TMEM132D: variants seen among roughly 807,000 people sequenced by gnomAD.
TMEM132D encodes transmembrane protein 132D.
TMEM132D carries 21 observed loss-of-function variants against 62.3 expected under a neutral mutation model. The observed-to-expected ratio is 0.34, with a 90% CI of 0.24 to 0.49. The LOEUF is 0.49. Among genes scored for constraint, TMEM132D ranks in the 20% least tolerant of loss-of-function variants. The probability of loss-of-function intolerance (pLI) is 0.99; values close to 1 mark genes in which losing one functional copy is unlikely to be tolerated. For synonymous variants in TMEM132D, 621 were observed against 575.6 expected (o/e 1.08, Z -1.13); for missense variants, 1,346 against 1,402.8 (o/e 0.96, Z 0.65).
rs974777717 is a variant in TMEM132D, at chr12:129,556,837, G to A, written c.969-25632C>T. 2.6e-5 allele frequency among the ~76,000 whole-genome samples: 4 copies of A among 152,314 alleles called. No individual in the cohort carries two copies. The East Asian group carries it at 7.7e-4, about 29-fold the overall frequency. On this transcript the variant is annotated intron_variant, in intron 2 of 8. Transcript: ENST00000422113. ...TCCCATATTAGACGGTGAAGTTAGA[G>A]AACACTGCCATCACCACAGAAAATT...
chr12:129,666,835 G>A (rs1370148437), intron 2 of TMEM132D, among the ~76,000 whole-genome samples: 3 of 152,190 alleles, frequency 2.0e-5, no homozygotes, highest in Admixed American at 1.3e-4. Context: ...GGTGTGTAGG[G>A]AATGTGTTTT....
chr12:129,707,902 A>G (rs555921588), intron 1 of TMEM132D, among the ~76,000 whole-genome samples: 117 of 152,276 alleles, frequency 7.7e-4, no homozygotes, highest in Non-Finnish European at 1.1e-3. Context: ...CTGTCATATA[A>G]TTTCATAAAA....
At chr12:129,435,946 T>A (rs1872775495) in intron 3 of TMEM132D, among the ~76,000 whole-genome samples, 1 of 152,208 alleles carries the variant, frequency 6.6e-6, no homozygotes, top group Non-Finnish European at 1.5e-5. Flanking sequence ...ACAATTGTGA[T>A]ATCATTTTGG....
At chr12:129,141,973 A>C (rs976995840) in intron 5 of TMEM132D, among the ~76,000 whole-genome samples, 1 of 148,612 alleles carries the variant, frequency 6.7e-6, no homozygotes, top group Middle Eastern at 3.3e-3. Flanking sequence ...ATATATTTAT[A>C]AAGTATTAGA....
At chr12:129,367,149 C>T (rs893917213) in intron 3 of TMEM132D, among the ~76,000 whole-genome samples, 4 of 152,202 alleles carry the variant, frequency 2.6e-5, no homozygotes, top group Admixed American at 6.5e-5. Flanking sequence ...CAGCCAAGGA[C>T]AAAACATGGT....
At chr12:129,684,166 G>T (rs779446529) in intron 2 of TMEM132D, among the ~76,000 whole-genome samples, 3 of 152,124 alleles carry the variant, frequency 2.0e-5, no homozygotes, top group South Asian at 4.1e-4. Context: ...GATATGGTTT[G>T]TCTGTGTCCC....
At chr12:129,525,779 T>A (rs1876015583) in intron 3 of TMEM132D, among the ~76,000 whole-genome samples, 1 of 152,206 alleles carries the variant, frequency 6.6e-6, no homozygotes, top group South Asian at 2.1e-4. Flanking sequence ...ATTTTCTGGA[T>A]CTCACATTTA....
In TMEM132D at chr12:129,347,610, G is replaced by A. The variant is rs1475967915; in HGVS notation, c.1116-9793C>T. On this transcript the variant is annotated intron_variant, in intron 3 of 8. Coordinates refer to ENST00000422113, the MANE Select transcript of TMEM132D (RefSeq NM_133448.3). ...AAAACCTAAAACCACAAAAACCCTA[G>A]AGGAAAACGTAGGCAATACCATTCA... Among the ~76,000 whole-genome samples, 4 of 152,242 alleles carry A rather than the reference G, an allele frequency of 2.6e-5. No individual in the cohort carries two copies. The South Asian group carries it at 6.2e-4, about 24-fold the overall frequency.
chr12:129,539,574 A>AT (rs3046685), intron 2 of TMEM132D, among the ~76,000 whole-genome samples: 28,001 of 143,804 alleles, frequency 0.19, 3,375 homozygotes, highest in African/African-American at 0.34. Context: ...AATTTTTTCT[A>AT]TTTTTTTTTT....
At chr12:129,647,568 A>G (rs1286961388) in intron 2 of TMEM132D, among the ~76,000 whole-genome samples, 1 of 152,208 alleles carries the variant, frequency 6.6e-6, no homozygotes, top group African/African-American at 2.4e-5. Flanking sequence ...TGCCACGTGC[A>G]GAGTAGGAGA....
At chr12:129,359,565 A>G (rs1442743333) in intron 3 of TMEM132D, among the ~76,000 whole-genome samples, 1 of 152,268 alleles carries the variant, frequency 6.6e-6, no homozygotes, top group African/African-American at 2.4e-5. Flanking sequence ...AAGAATATGC[A>G]GCATAAAAAG....
At chr12:129,452,752 G>T (rs927269310) in intron 3 of TMEM132D, among the ~76,000 whole-genome samples, 1 of 152,184 alleles carries the variant, frequency 6.6e-6, no homozygotes, top group Non-Finnish European at 1.5e-5. Flanking sequence ...AGGGTAGGCA[G>T]AAATTTGCAG....
intron 3 of TMEM132D, 53 bp downstream of exon 3, chr12:129,531,006 T>C: frequency 2.3e-6 from 2 of 888,830 alleles, no homozygotes; most frequent in South Asian, 2.8e-5. Context: ...AAAAAAAAAA[T>C]CAGGCCACAT....
At chr12:129,114,665 C>T (rs1014226148) in intron 5 of TMEM132D, among the ~76,000 whole-genome samples, 11 of 152,152 alleles carry the variant, frequency 7.2e-5, no homozygotes, top group African/African-American at 1.7e-4. Flanking sequence ...CCTCGCATGC[C>T]CCTGCAGCCA....
intron 5 of TMEM132D, among the ~76,000 whole-genome samples, chr12:129,174,482 T>G (rs1877843169): frequency 6.6e-6 from 1 of 152,246 alleles, no homozygotes; most frequent in Admixed American, 6.5e-5. Flanking sequence ...CTATCATTGA[T>G]GGACATCTGG....
chr12:129,531,175 G>A lies in TMEM132D; in HGVS notation c.999C>T (p.Ile333=), dbSNP rs141468212. The change falls in exon 3 of 9, where the codon ATC becomes ATT. Residue 333 remains isoleucine (I), a synonymous_variant. Coordinates refer to ENST00000422113, the MANE Select transcript of TMEM132D (RefSeq NM_133448.3). ...RAKVKKGVNI[I]GVRASSPSIW... ...TGGAAGGGCTGCTGGCTCGCACGCC[G>A]ATGATGTTCACGCCTTTCTTCACCT... The A allele has an allele frequency of 2.9e-5, 47 of 1,612,984 alleles. No individual in the cohort carries two copies. Among genetic ancestry groups the A allele is most frequent in the South Asian group, 1.6e-4 (15 of 90,986 alleles).
chr12:129,337,912 T>C (rs944003833), intron 3 of TMEM132D, 95 bp from the exon 4 acceptor site: 3 of 1,298,690 alleles, frequency 2.3e-6, no homozygotes, highest in Non-Finnish European at 3.1e-6. Flanking sequence ...TTTCTCTATG[T>C]ACCTCCACAT....
At chr12:129,185,744 CCTGT>C (rs1362124406) in intron 5 of TMEM132D, among the ~76,000 whole-genome samples, 27 of 128,676 alleles carry the variant, frequency 2.1e-4, no homozygotes, top group Middle Eastern at 4.7e-3. Context: ...TATCTATCTG[CCTGT>C]CTTTTATCCA....
chr12:129,734,570 A>G (rs1269825223), intron 1 of TMEM132D, among the ~76,000 whole-genome samples: 1 of 152,242 alleles, frequency 6.6e-6, no homozygotes, highest in African/African-American at 2.4e-5. Context: ...TATCAAATCC[A>G]TAAGCCCATA....
Sources: gnomAD v4.1 joint callset for allele counts (sites outside exome capture counted in the v4.1 genomes callset) on GRCh38, gnomAD v4.1.1 for gene constraint, MANE v1.5 for transcripts, NCBI Gene and HGNC (gene_info 2026-07-23, HGNC 2026-07-21) for gene names.